Variants in NUF2 observed in about 807,000 individuals in gnomAD.
NUF2 encodes kinetochore protein Nuf2.
A neutral mutation model predicts 61.8 loss-of-function variants in NUF2; 34 were observed. That is an observed-to-expected ratio of 0.55 (90% CI 0.42 to 0.73). The LOEUF (loss-of-function observed/expected upper bound fraction) is 0.73, where lower values mean the gene tolerates loss of function less well. NUF2 is among the 30% of genes least tolerant of loss of function. The probability of loss-of-function intolerance (pLI) is 0.00; values close to 1 mark genes in which losing one functional copy is unlikely to be tolerated. For synonymous variants in NUF2, 172 were observed against 181.6 expected (o/e 0.95, Z 0.42); for missense variants, 445 against 539.1 (o/e 0.83, Z 1.73).
intron 4 of NUF2, chr1:163,328,629 C>G: frequency 2.0e-6 from 1 of 503,948 alleles, no homozygotes; most frequent in South Asian, 3.6e-5. Context: ...GAATCTGTAA[C>G]TATACTTTAG....
At chr1:163,338,230 CT>C in intron 7 of NUF2, 137 bp downstream of exon 7, 1 of 410,096 alleles carries the variant, frequency 2.4e-6, no homozygotes, top group Non-Finnish European at 4.2e-6. Flanking sequence ...TTGAGTTTGC[CT>C]TTTCTTAAAA....
At chr1:163,331,365 G>A (rs764192770) in intron 5 of NUF2, among the ~76,000 whole-genome samples, 3 of 151,466 alleles carry the variant, frequency 2.0e-5, no homozygotes, top group Non-Finnish European at 4.4e-5. Flanking sequence ...GTCCTGATTG[G>A]TTATGATATA....
chr1:163,325,426 G>A (rs1445173120), intron 1 of NUF2, among the ~76,000 whole-genome samples: 1 of 152,180 alleles, frequency 6.6e-6, no homozygotes, highest in Non-Finnish European at 1.5e-5. Context: ...ACTACGTGAA[G>A]ACATTAGGAG....
At chr1:163,342,937 T>C (rs1650994398) in intron 9 of NUF2, among the ~76,000 whole-genome samples, 1 of 152,174 alleles carries the variant, frequency 6.6e-6, no homozygotes, top group Non-Finnish European at 1.5e-5. Context: ...TGGAAAATCT[T>C]TCCTGTCAAT....
intron 2 of NUF2, 45 bp from the exon 3 acceptor site, chr1:163,327,443 T>G (rs1557946497): frequency 9.9e-7 from 1 of 1,009,766 alleles, no homozygotes; most frequent in Non-Finnish European, 1.6e-6. Flanking sequence ...GTGACATAGC[T>G]TTAGAGTTAT....
chr1:163,324,881 G>GTTTTC (rs1650362057), intron 1 of NUF2, among the ~76,000 whole-genome samples: 1 of 85,148 alleles, frequency 1.2e-5, no homozygotes, highest in Non-Finnish European at 2.7e-5. Context: ...TCTAGGACAA[G>GTTTTC]GTTTCTTTTC....
rs1340138220 is a variant in NUF2, at chr1:163,343,768, A to G, written c.705A>G (p.Glu235=). The change falls in exon 10 of 14, where the codon GAA becomes GAG. Residue 235 remains glutamate (E), a synonymous_variant. Transcript: ENST00000271452. ...AATTGTCGGTGGTTTCTTTGAAAGA[A>G]ATACAAGAGAGTTTGAAAACAAAAA... ...ELKLSVVSLK[E]IQESLKTKIV... is the part of the protein sequence containing the mutation. The G allele has an allele frequency of 7.0e-7, 1 of 1,434,606 alleles. No homozygotes were observed. Among genetic ancestry groups the G allele is most frequent in the Non-Finnish European group, 9.3e-7 (1 of 1,078,946 alleles). 88.9% of individuals were successfully genotyped at this position (1,434,606 alleles called of 1,614,324 possible).
At chr1:163,335,640 T>C (rs7530830) in intron 5 of NUF2, among the ~76,000 whole-genome samples, 62,897 of 151,678 alleles carry the variant, frequency 0.41, 13,394 homozygotes, top group South Asian at 0.59. Flanking sequence ...TTGTTCACTT[T>C]CTTGGATATG....
chr1:163,352,669 G>C (rs981379660), intron 13 of NUF2, among the ~76,000 whole-genome samples: 5 of 152,054 alleles, frequency 3.3e-5, no homozygotes, highest in South Asian at 2.1e-4. Context: ...GATCGAGACC[G>C]TCCTGGCTAA....
chr1:163,342,431 G>A (rs928970386), intron 9 of NUF2, among the ~76,000 whole-genome samples: 1 of 152,102 alleles, frequency 6.6e-6, no homozygotes, highest in Non-Finnish European at 1.5e-5. Context: ...ATCTTGTAGA[G>A]CATTAAAAGA....
chr1:163,351,587 T>C (rs1651321063), intron 13 of NUF2, among the ~76,000 whole-genome samples: 1 of 152,192 alleles, frequency 6.6e-6, no homozygotes, highest in Non-Finnish European at 1.5e-5. Context: ...TGCTGCATTA[T>C]AATTTTTTCA....
chr1:163,346,082 G>T, intron 11 of NUF2: 1 of 226,384 alleles, frequency 4.4e-6, no homozygotes, highest in Admixed American at 5.2e-5. Context: ...TAGTACAGTA[G>T]CTCCCCCTTA....
chr1:163,332,516 C>A (rs972848749), intron 5 of NUF2, among the ~76,000 whole-genome samples: 1 of 152,134 alleles, frequency 6.6e-6, no homozygotes, highest in Non-Finnish European at 1.5e-5. Context: ...ATTGGTTTCA[C>A]TGAGCCAAAA....
rs373198630 is a variant in NUF2, at chr1:163,336,816, C to T, written c.403C>T (p.Arg135Cys). The T allele has an allele frequency of 1.6e-5, 25 of 1,612,066 alleles. No homozygotes were observed. The highest frequency in any genetic ancestry group is 6.7e-5 in the Admixed American group (4 of 59,962). Reference sequence around the variant, plus strand: ...CTTTATTCACTTCAGAGAAGCATGCCGTGAAACGTATATGGAATTTCTTTG... The same window carrying T: ...CTTTATTCACTTCAGAGAAGCATGCTGTGAAACGTATATGGAATTTCTTTG... ...INFIHFREAC[R>C]ETYMEFLWQY... The change falls in exon 6 of 14, where the codon CGT (arginine) becomes TGT (cysteine). Residue 135 changes from arginine (R) to cysteine (C), a missense_variant. By Grantham distance (180) the Arg-to-Cys change is radical. Coordinates refer to ENST00000271452, the MANE Select transcript of NUF2 (RefSeq NM_145697.3).
chr1:163,352,178 C>T (rs906573584), intron 13 of NUF2, among the ~76,000 whole-genome samples: 3 of 152,060 alleles, frequency 2.0e-5, no homozygotes, highest in African/African-American at 7.2e-5. Flanking sequence ...AGATAATCTC[C>T]AAGTTAATTT....
intron 13 of NUF2, 85 bp from the exon 14 acceptor site, chr1:163,355,249 AT>A (rs1180858407): frequency 1.0e-6 from 1 of 990,028 alleles, no homozygotes; most frequent in African/African-American, 1.7e-5. Context: ...ATTAATAAAT[AT>A]GAATAAACTT....
chr1:163,342,975 A>G (rs1650996153), intron 9 of NUF2, among the ~76,000 whole-genome samples: 1 of 152,214 alleles, frequency 6.6e-6, no homozygotes, highest in African/African-American at 2.4e-5. Context: ...GTCCCCAAAC[A>G]ATGTAAATAC....
At chr1:163,344,386 C>G (rs183938794) in intron 10 of NUF2, among the ~76,000 whole-genome samples, 20 of 151,352 alleles carry the variant, frequency 1.3e-4, no homozygotes, top group Admixed American at 7.9e-4. Flanking sequence ...ATAAGGGGAG[C>G]CCAGTTTAGT....
At chr1:163,347,724 T>C in intron 11 of NUF2, 39 bp from the exon 12 acceptor site, 1 of 1,221,538 alleles carries the variant, frequency 8.2e-7, no homozygotes, top group Non-Finnish European at 1.1e-6. Context: ...TAAATCCTAA[T>C]TGGTTATGTT....
Sources: gnomAD v4.1 joint callset for allele counts (sites outside exome capture counted in the v4.1 genomes callset) on GRCh38, gnomAD v4.1.1 for gene constraint, MANE v1.5 for transcripts, NCBI Gene and HGNC (gene_info 2026-07-23, HGNC 2026-07-21) for gene names.